DNAJC5B: variants seen among roughly 807,000 people sequenced by gnomAD.
DNAJC5B encodes the protein dnaJ homolog subfamily C member 5B.
A neutral mutation model predicts 24.7 loss-of-function variants in DNAJC5B; 23 were observed. The ratio of observed to expected loss-of-function variants is 0.93; its 90% CI spans 0.67 to 1.32. The LOEUF is 1.32. Ranked by LOEUF, DNAJC5B falls within the 40% of genes most tolerant of loss-of-function variation. The probability of loss-of-function intolerance (pLI) is 0.00; values close to 1 mark genes in which losing one functional copy is unlikely to be tolerated. For missense variants in DNAJC5B, 238 were observed against 240.8 expected, an observed-to-expected ratio of 0.99 and a Z score of 0.08; for synonymous variants, 101 against 90.1, an observed-to-expected ratio of 1.12 and a Z score of -0.68.
chr8:66,043,197 A>C (rs1340201244), intron 1 of DNAJC5B, among the ~76,000 whole-genome samples: 1 of 152,214 alleles, frequency 6.6e-6, no homozygotes, highest in African/African-American at 2.4e-5. Context: ...TTAGTGTTGC[A>C]TGTTCTTTCC....
At chr8:66,041,229 C>A (rs1586072960) in intron 1 of DNAJC5B, among the ~76,000 whole-genome samples, 2 of 152,092 alleles carry the variant, frequency 1.3e-5, no homozygotes, top group Non-Finnish European at 2.9e-5. Flanking sequence ...ATATTAGTAA[C>A]AATAATGCCT....
intron 2 of DNAJC5B, among the ~76,000 whole-genome samples, chr8:66,049,444 C>T (rs535630458): frequency 7.0e-4 from 107 of 152,274 alleles, no homozygotes; most frequent in African/African-American, 1.9e-3. Flanking sequence ...TTTTACGGTA[C>T]CTTTTCTGTG....
rs1807480429 is a variant in DNAJC5B, at chr8:66,076,900, A to G, written c.333+27A>G. ...TGAAACTGAATTTCCTTTCTTCACA[A>G]TCTCCTGTAAGACCATGATATTAAT... On this transcript the variant is annotated intron_variant, in intron 4 of 5. Coordinates refer to ENST00000276570, the MANE Select transcript of DNAJC5B (RefSeq NM_033105.6). 2.5e-6 allele frequency: 4 copies of G among 1,610,990 alleles called. No individual in the cohort carries two copies. The South Asian group carries it at 4.4e-5, about 18-fold the overall frequency.
chr8:66,083,338 T>A (rs117180090), intron 5 of DNAJC5B, among the ~76,000 whole-genome samples: 2,416 of 152,226 alleles, frequency 0.016, 30 homozygotes, highest in Non-Finnish European at 0.025. Context: ...ATGAAAAAAA[T>A]AGAAAAATCT....
rs561521370 is a variant in DNAJC5B at position 66,052,893 on chromosome 8, T to A, written c.119+1227T>A. Among the ~76,000 whole-genome samples, 4 of 152,042 alleles carry A rather than the reference T, an allele frequency of 2.6e-5. No homozygotes were observed. The East Asian group carries it at 7.7e-4, about 29-fold the overall frequency. On this transcript the variant is annotated intron_variant, in intron 3 of 5. Transcript: ENST00000276570. Reference sequence around the variant, plus strand: ...GAGAGCTGCTTTCAGAGAGAGAAAATCTTTCCAAGAGAGTGCTTGTTTGTT... The same window carrying A: ...GAGAGCTGCTTTCAGAGAGAGAAAAACTTTCCAAGAGAGTGCTTGTTTGTT...
rs1456396278 is a variant in DNAJC5B at position 66,058,824 on chromosome 8, G to T, written c.119+7158G>T. On this transcript the variant is annotated intron_variant, in intron 3 of 5. Transcript: ENST00000276570. ...TGACAGCTGGGAAAGGTGACAAGAG[G>T]AAGGCTTTTACTGTGCCAATCCATC... Among the ~76,000 whole-genome samples the T allele has an allele frequency of 2.0e-5, 3 of 152,196 alleles. No homozygotes were observed. In the East Asian group the frequency reaches 5.8e-4, roughly 29 times the overall value.
chr8:66,076,698 A>T lies in DNAJC5B; in HGVS notation c.158A>T (p.Asp53Val). The T allele has an allele frequency of 6.2e-7, 1 of 1,614,186 alleles. No individual in the cohort carries two copies. The highest frequency in any genetic ancestry group is 1.1e-5 in the South Asian group (1 of 91,080). Residue 53 changes from aspartate to valine, a missense_variant, in exon 4 of 6, where the codon GAT becomes GTT. Coordinates refer to ENST00000276570, the MANE Select transcript of DNAJC5B (RefSeq NM_033105.6). ...AAACACCATCCAGACAAGAATCCAG[A>T]TGATCCAGCTGCTACTGAGAAGTTT... Reference protein sequence around the residue: ...ALKHHPDKNPDDPAATEKFKE... With the variant: ...ALKHHPDKNPVDPAATEKFKE...
chr8:66,033,770 C>CTTTTTT (rs765814272), intron 1 of DNAJC5B, among the ~76,000 whole-genome samples: 1 of 105,388 alleles, frequency 9.5e-6, no homozygotes. Context: ...GATCATTCCG[C>CTTTTTT]TTTTTTTTTT....
At chr8:66,076,950 GGA>G in intron 4 of DNAJC5B, 77 bp downstream of exon 4, 3 of 1,521,150 alleles carry the variant, frequency 2.0e-6, no homozygotes, top group Non-Finnish European at 2.7e-6. Flanking sequence ...CCATCTCAAA[GGA>G]AGTCTAACCT....
chr8:66,079,875 C>A (rs1026083501), intron 4 of DNAJC5B, among the ~76,000 whole-genome samples: 2 of 152,078 alleles, frequency 1.3e-5, no homozygotes, highest in African/African-American at 4.8e-5. Context: ...AGGGAGGATG[C>A]AAGAGACTTG....
intron 1 of DNAJC5B, among the ~76,000 whole-genome samples, chr8:66,030,356 T>C (rs1240099910): frequency 6.6e-6 from 1 of 152,204 alleles, no homozygotes; most frequent in East Asian, 1.9e-4. Context: ...AAGATTAAAA[T>C]CCCCTGGAGA....
intron 5 of DNAJC5B, among the ~76,000 whole-genome samples, chr8:66,088,722 A>G (rs990156026): frequency 6.6e-6 from 1 of 152,198 alleles, no homozygotes. Context: ...TCTCTAGGGC[A>G]GGGGCAAAAT....
chr8:66,039,783 G>A (rs953168837), intron 1 of DNAJC5B, among the ~76,000 whole-genome samples: 1 of 152,110 alleles, frequency 6.6e-6, no homozygotes, highest in Non-Finnish European at 1.5e-5. Flanking sequence ...TGATAAAGGG[G>A]GAACAATTCC....
chr8:66,044,668 AG>A (rs938722442), intron 2 of DNAJC5B, among the ~76,000 whole-genome samples: 1 of 152,178 alleles, frequency 6.6e-6, no homozygotes, highest in African/African-American at 2.4e-5. Context: ...CACTCTATAG[AG>A]GTCAATGGTT....
intron 1 of DNAJC5B, among the ~76,000 whole-genome samples, chr8:66,039,643 C>T (rs965537960): frequency 1.3e-5 from 2 of 152,042 alleles, no homozygotes; most frequent in Admixed American, 1.3e-4. Flanking sequence ...AGCCACTGCG[C>T]CCAGCCCACT....
upstream of DNAJC5B, among the ~76,000 whole-genome samples, chr8:66,017,750 A>C (rs1487429203): frequency 6.6e-6 from 1 of 152,242 alleles, no homozygotes; most frequent in African/African-American, 2.4e-5. Flanking sequence ...AAAGTCAGAC[A>C]TCAATTGTGT....
At chr8:66,085,645 T>A (rs1398978775) in intron 5 of DNAJC5B, among the ~76,000 whole-genome samples, 1 of 152,114 alleles carries the variant, frequency 6.6e-6, no homozygotes, top group African/African-American at 2.4e-5. Flanking sequence ...GTCTGTCCCA[T>A]TGATCTATGT....
chr8:66,087,732 C>A (rs957387804), intron 5 of DNAJC5B, among the ~76,000 whole-genome samples: 1 of 152,186 alleles, frequency 6.6e-6, no homozygotes, highest in Admixed American at 6.5e-5. Context: ...TCTTGAAGCT[C>A]CAAAATCTCC....
chr8:66,023,880 C>T (rs1247669424), intron 1 of DNAJC5B, among the ~76,000 whole-genome samples: 2 of 152,198 alleles, frequency 1.3e-5, no homozygotes, highest in African/African-American at 4.8e-5. Context: ...CGTAATTAAT[C>T]TGCAAGTTTG....
Sources: gnomAD v4.1 joint callset for allele counts (sites outside exome capture counted in the v4.1 genomes callset) on GRCh38, gnomAD v4.1.1 for gene constraint, MANE v1.5 for transcripts, NCBI Gene and HGNC (gene_info 2026-07-23, HGNC 2026-07-21) for gene names.